Variants in TAF4 observed in about 807,000 individuals in gnomAD.
TAF4 encodes transcription initiation factor TFIID subunit 4.
TAF4 carries 9 observed loss-of-function variants against 90.3 expected under a neutral mutation model. That is an observed-to-expected ratio of 0.10 (90% confidence interval 0.06 to 0.17). The LOEUF is 0.17. Ranked by LOEUF, TAF4 falls within the 10% of genes least tolerant of loss-of-function variation. TAF4 has a pLI of 1.00. For missense variants in TAF4, 1,351 were observed against 1,370.7 expected, an observed-to-expected ratio of 0.99 and a Z score of 0.23; for synonymous variants, 818 against 638.9, an observed-to-expected ratio of 1.28 and a Z score of -4.23.
chr20:62,013,612 A>G (rs1455213635), intron 2 of TAF4, among the ~76,000 whole-genome samples: 2 of 152,260 alleles, frequency 1.3e-5, no homozygotes, highest in Non-Finnish European at 2.9e-5. Flanking sequence ...GGACAGAGGC[A>G]CAACTCCAGA....
chr20:62,014,019 G>GTGT (rs2055796981), intron 2 of TAF4, among the ~76,000 whole-genome samples: 12 of 126,450 alleles, frequency 9.5e-5, no homozygotes, highest in African/African-American at 4.6e-4. Flanking sequence ...CGGGGGTGTG[G>GTGT]GTGTGTGTGT....
In TAF4 at chr20:62,012,950, A is replaced by C; in HGVS notation, c.1522-16T>G. On this transcript the variant is annotated splice_polypyrimidine_tract_variant and intron_variant, in intron 2 of 14. Coordinates refer to ENST00000252996, the MANE Select transcript of TAF4 (RefSeq NM_003185.4). ...TTCCAGGTGCCTGAAAAATAAGCAGAGTCACCTAAAACGAGCGCAAGTAAA... is the reference window on the plus strand; with the variant it reads ...TTCCAGGTGCCTGAAAAATAAGCAGCGTCACCTAAAACGAGCGCAAGTAAA... The C allele has an allele frequency of 6.2e-7, 1 of 1,612,294 alleles. No individual in the cohort carries two copies. Among genetic ancestry groups the C allele is most frequent in the Non-Finnish European group, 8.5e-7 (1 of 1,179,506 alleles).
intron 1 of TAF4, among the ~76,000 whole-genome samples, chr20:62,060,589 C>A (rs2056084157): frequency 6.6e-6 from 1 of 152,238 alleles, no homozygotes; most frequent in Admixed American, 6.5e-5. Flanking sequence ...GCGCCCTTGC[C>A]CTATGCTAGG....
At chr20:62,053,438 C>T (rs1423059168) in intron 1 of TAF4, among the ~76,000 whole-genome samples, 1 of 152,224 alleles carries the variant, frequency 6.6e-6, no homozygotes, top group Non-Finnish European at 1.5e-5. Context: ...CCCGGTCAGG[C>T]AGGAGCGGCA....
At chr20:61,979,510 C>T (rs544930080) in intron 14 of TAF4, among the ~76,000 whole-genome samples, 63 of 145,346 alleles carry the variant, frequency 4.3e-4, no homozygotes, top group Middle Eastern at 4.0e-3. Flanking sequence ...GCGCCATGGC[C>T]ACTCCAGAGG....
At chr20:62,015,461 C>T (rs954155129) in intron 1 of TAF4, among the ~76,000 whole-genome samples, 2 of 152,228 alleles carry the variant, frequency 1.3e-5, no homozygotes, top group African/African-American at 4.8e-5. Context: ...AATTTAACTT[C>T]CCATGACAGA....
chr20:61,975,967 C>T lies in TAF4; in HGVS notation c.*201G>A. On this transcript the variant is annotated 3_prime_UTR_variant, in exon 15 of 15. Transcript: ENST00000252996. ...CAAGATGAGTTAAGATTTAATTGTC[C>T]TTTAAGAGTATCCACAGGCCTTTGT... 1 of 595,456 alleles carries T rather than the reference C, an allele frequency of 1.7e-6. No homozygotes were observed. Among genetic ancestry groups the T allele is most frequent in the Non-Finnish European group, 2.9e-6 (1 of 342,656 alleles). 36.9% of individuals were successfully genotyped at this position (595,456 alleles called of 1,614,324 possible). A position where few individuals can be genotyped will look rare whatever the true frequency, so the allele number is the denominator to read the frequency against.
intron 12 of TAF4, among the ~76,000 whole-genome samples, chr20:61,998,531 G>T (rs762584839): frequency 1.3e-5 from 2 of 152,174 alleles, no homozygotes; most frequent in South Asian, 4.1e-4. Context: ...CACCAGGGAC[G>T]GGACAGCCTG....
rs2056117686 is a variant in TAF4 at position 62,065,019 on chromosome 20, G to A, written c.792C>T (p.Ala264=). Residue 264 remains alanine, a synonymous_variant, in exon 1 of 15, where the codon GCC becomes GCT. Transcript: ENST00000252996. The stretch of plus-strand genomic sequence containing the variant: ...GCGGGGGCGGGGCGGCGGCGGGGGC[G>A]GCGGGCGCGGGGGCGGCGGGGGGCG... The part of the protein sequence containing the change: ...APSPPAAPAP[A]APAAAPPPPP... The A allele has an allele frequency of 2.4e-6, 1 of 415,500 alleles. No individual in the cohort carries two copies. The highest frequency in any genetic ancestry group is 3.1e-6 in the Non-Finnish European group (1 of 319,868). The allele number at this position is 415,500 out of a possible 1,614,324, so 25.7% of individuals were successfully genotyped here.
Position 62,045,325 on chromosome 20 carries a change from G to A in TAF4, c.1360+19126C>T, listed in dbSNP as rs572098497. 2.4e-4 allele frequency among the ~76,000 whole-genome samples: 37 copies of A among 152,338 alleles called. No individual in the cohort carries two copies. In the South Asian group the frequency reaches 4.6e-3, roughly 19 times the overall value. On this transcript the variant is annotated intron_variant, in intron 1 of 14. Transcript: ENST00000252996. ...CCTTCCTGGGAAAGCCCTGCCTGCC[G>A]TGCCTGCCCGCTCCTCTCTACCCTT...
chr20:62,003,814 G>A lies in TAF4; in HGVS notation c.2288C>T (p.Thr763Ile). The A allele has an allele frequency of 1.9e-6, 3 of 1,607,634 alleles. No individual in the cohort carries two copies. The highest frequency in any genetic ancestry group is 2.5e-6 in the Non-Finnish European group (3 of 1,178,722). ...AGGCTGCCGCAGGGCGACCATGGGT[G>A]TCTGCGTCAACGTCACCTGCGGGGG... ...IRPPQVTLTQ[T>I]PMVALRQPHN... The change falls in exon 8 of 15, where the codon ACA (threonine) becomes ATA (isoleucine). Residue 763 changes from threonine (T) to isoleucine (I), a missense_variant. Thr to Ile is a moderately conservative substitution (Grantham distance 89). Transcript: ENST00000252996.
At chr20:62,031,173 C>T (rs1027175983) in intron 1 of TAF4, among the ~76,000 whole-genome samples, 3 of 152,160 alleles carry the variant, frequency 2.0e-5, no homozygotes, top group African/African-American at 7.2e-5. Context: ...ATCTCTGAAA[C>T]CCACAAGCCT....
chr20:61,987,546 G>A (rs1231995581), intron 14 of TAF4, among the ~76,000 whole-genome samples: 5 of 152,164 alleles, frequency 3.3e-5, no homozygotes, highest in South Asian at 4.1e-4. Flanking sequence ...CTACTAGAGC[G>A]GCCAAAACCC....
At chr20:61,999,959 C>A (rs2055688566) in intron 11 of TAF4, among the ~76,000 whole-genome samples, 165 bp downstream of exon 11, 1 of 152,136 alleles carries the variant, frequency 6.6e-6, no homozygotes, top group Non-Finnish European at 1.5e-5. Context: ...AAAAAGAAAT[C>A]TTTCCAAAAT....
At chr20:61,996,446 A>G (rs2055663303) in intron 14 of TAF4, among the ~76,000 whole-genome samples, 1 of 152,212 alleles carries the variant, frequency 6.6e-6, no homozygotes, top group Non-Finnish European at 1.5e-5. Flanking sequence ...AGGTCTTGAA[A>G]GTTTCGCAAG....
chr20:62,065,459 C>A lies in TAF4; in HGVS notation c.352G>T (p.Gly118Trp). The A allele has an allele frequency of 1.0e-6, 1 of 976,154 alleles. No individual in the cohort carries two copies. The highest frequency in any genetic ancestry group is 4.6e-5 in the South Asian group (1 of 21,880). The allele number at this position is 976,154 out of a possible 1,614,324, so 60.5% of individuals were successfully genotyped here. A position where few individuals can be genotyped will look rare whatever the true frequency, so the allele number is the denominator to read the frequency against. The change falls in exon 1 of 15, where the codon GGG (glycine) becomes TGG (tryptophan). Residue 118 changes from glycine to tryptophan, a missense_variant. Gly to Trp is a radical substitution (Grantham distance 184). Around this residue, in one of 9 missense-constraint regions of TAF4, gnomAD observed 782 missense variants for 536.6 expected, o/e 1.46. Coordinates refer to ENST00000252996, the MANE Select transcript of TAF4 (RefSeq NM_003185.4). ...PSPRRPLVPA[G>W]PAPPAAKLRP... ...AGCTTCGCGGCGGGCGGCGCGGGCCCTGCGGGGACAAGGGGGCGGCGCGGT... is the reference window on the plus strand; with the variant it reads ...AGCTTCGCGGCGGGCGGCGCGGGCCATGCGGGGACAAGGGGGCGGCGCGGT...
At chr20:61,982,371 C>T (rs1378582563) in intron 14 of TAF4, among the ~76,000 whole-genome samples, 1 of 91,498 alleles carries the variant, frequency 1.1e-5, no homozygotes, top group Non-Finnish European at 2.6e-5. Context: ...AAACCCATAC[C>T]CACCCGGAAG....
At chr20:62,036,959 A>G (rs2145498537) in intron 1 of TAF4, among the ~76,000 whole-genome samples, 1 of 152,300 alleles carries the variant, frequency 6.6e-6, no homozygotes, top group South Asian at 2.1e-4. Context: ...GAGGACACAC[A>G]AGAAGCTGCA....
intron 14 of TAF4, among the ~76,000 whole-genome samples, chr20:61,983,920 G>T (rs6089580): frequency 2.6e-5 from 4 of 151,954 alleles, no homozygotes; most frequent in African/African-American, 9.7e-5. Context: ...ACGGTCTGAC[G>T]TGTGACAAAG....
Sources: allele counts gnomAD v4.1 joint callset (sites outside exome capture counted in the v4.1 genomes callset), GRCh38; gene constraint gnomAD v4.1.1; regional missense constraint gnomAD v4.1.1; transcripts MANE v1.5; gene names NCBI Gene and HGNC (gene_info 2026-07-23, HGNC 2026-07-21).